NTN4: variants seen among roughly 807,000 people sequenced by gnomAD.
NTN4 encodes netrin-4.
In NTN4, 32 loss-of-function variants were observed where a neutral mutation model predicts 73.6. That is an observed-to-expected ratio of 0.44 (90% CI 0.33 to 0.58). The LOEUF is 0.58. NTN4 is among the 20% of genes least tolerant of loss of function. The probability of loss-of-function intolerance (pLI) is 0.04; values close to 1 mark genes in which losing one functional copy is unlikely to be tolerated. For synonymous variants in NTN4, 258 were observed against 287.5 expected (o/e 0.90, Z 1.04); for missense variants, 654 against 798.3 (o/e 0.82, Z 2.18).
chr12:95,660,572 G>T lies in NTN4; in HGVS notation c.1751-1350C>A, dbSNP rs1452003355. Among the ~76,000 whole-genome samples, 6 of 152,170 alleles carry T rather than the reference G, an allele frequency of 3.9e-5. No individual in the cohort carries two copies. In the East Asian group the frequency reaches 1.2e-3, roughly 29 times the overall value. On this transcript the variant is annotated intron_variant, in intron 9 of 9. Coordinates refer to ENST00000343702, the MANE Select transcript of NTN4 (RefSeq NM_021229.4). Reference sequence around the variant, plus strand: ...AATATATCCAAGAAATGAAAGGACAGTCTCATCACCTATAGATTAGTAAAA... The same window carrying T: ...AATATATCCAAGAAATGAAAGGACATTCTCATCACCTATAGATTAGTAAAA...
At chr12:95,769,565 A>G (rs1446957663) in intron 2 of NTN4, among the ~76,000 whole-genome samples, 1 of 149,812 alleles carries the variant, frequency 6.7e-6, no homozygotes, top group Non-Finnish European at 1.5e-5. Flanking sequence ...AAAAAAAAAA[A>G]AAAGGAAATG....
At chr12:95,700,516 T>G in intron 5 of NTN4, among the ~76,000 whole-genome samples, 1 of 152,122 alleles carries the variant, frequency 6.6e-6, no homozygotes, top group East Asian at 1.9e-4. Flanking sequence ...TGGGAACCAA[T>G]GACTTGAGGT....
chr12:95,680,696 T>TA (rs1344910929), intron 7 of NTN4, among the ~76,000 whole-genome samples: 2 of 152,180 alleles, frequency 1.3e-5, no homozygotes, highest in Non-Finnish European at 2.9e-5. Flanking sequence ...CATAATCAGG[T>TA]AAAAAATGTT....
chr12:95,736,074 G>A (rs760225877), intron 3 of NTN4, among the ~76,000 whole-genome samples: 4 of 151,840 alleles, frequency 2.6e-5, no homozygotes, highest in Non-Finnish European at 5.9e-5. Context: ...GAGCAGCAGG[G>A]AATACAGGCG....
chr12:95,755,639 C>A (rs1237593636), intron 2 of NTN4, among the ~76,000 whole-genome samples: 2 of 152,100 alleles, frequency 1.3e-5, no homozygotes, highest in African/African-American at 4.8e-5. Context: ...TGAGATAGGA[C>A]AATATAACCT....
At chr12:95,679,403 C>CA (rs2078298502) in intron 7 of NTN4, among the ~76,000 whole-genome samples, 1 of 152,166 alleles carries the variant, frequency 6.6e-6, no homozygotes, top group South Asian at 2.1e-4. Context: ...CTCAGCTGCT[C>CA]ATTCCCATGA....
At chr12:95,760,161 AC>A (rs2078976645) in intron 2 of NTN4, among the ~76,000 whole-genome samples, 1 of 152,076 alleles carries the variant, frequency 6.6e-6, no homozygotes, top group African/African-American at 2.4e-5. Context: ...ATTAGGGTGA[AC>A]CCAGTTTTGC....
intron 5 of NTN4, among the ~76,000 whole-genome samples, chr12:95,709,069 G>T (rs1235997726): frequency 6.6e-6 from 1 of 152,168 alleles, no homozygotes; most frequent in Admixed American, 6.5e-5. Flanking sequence ...AAGAGAAAAA[G>T]CTTTTAACAA....
At chr12:95,764,861 C>T (rs1007777301) in intron 2 of NTN4, among the ~76,000 whole-genome samples, 1 of 152,100 alleles carries the variant, frequency 6.6e-6, no homozygotes. Flanking sequence ...CTAACTTGAA[C>T]AGGACCTTAA....
chr12:95,785,578 CT>C (rs1313705845), intron 2 of NTN4, among the ~76,000 whole-genome samples: 1 of 152,206 alleles, frequency 6.6e-6, no homozygotes, highest in African/African-American at 2.4e-5. Context: ...GAAGAAGCGG[CT>C]GAATGACATG....
chr12:95,790,839 A>G (rs1592725580), upstream of NTN4: 1 of 126,552 alleles, frequency 7.9e-6, no homozygotes, highest in South Asian at 2.7e-4. The surrounding 1 kb of genome is among the most constrained non-coding windows in gnomAD (Gnocchi z 6.5). Flanking sequence ...CTCCCCTCGC[A>G]CCTCCACCCC....
chr12:95,789,661 G>A lies in NTN4; in HGVS notation c.55+594C>T, dbSNP rs2079193969. On this transcript the variant is annotated intron_variant, in intron 1 of 9. Coordinates refer to ENST00000343702, the MANE Select transcript of NTN4 (RefSeq NM_021229.4). This position sits in a 1 kb window ranked among gnomAD's most constrained non-coding sequence, Gnocchi z 4.0. ...CTCTGCCAGGGTACCAATTCCCCAG[G>A]GGCGGCCAGCCAGCTCAATGCAAGC... The A allele has an allele frequency of 6.6e-6, 1 of 152,646 alleles. No homozygotes were observed. Among genetic ancestry groups the A allele is most frequent in the Non-Finnish European group, 1.5e-5 (1 of 68,436 alleles). 9.5% of individuals were successfully genotyped at this position (152,646 alleles called of 1,614,324 possible).
intron 2 of NTN4, among the ~76,000 whole-genome samples, chr12:95,764,833 T>G (rs1186493456): frequency 1.3e-5 from 2 of 152,216 alleles, no homozygotes; most frequent in African/African-American, 2.4e-5. Context: ...TTGAGAATCT[T>G]TTACACGTTA....
intron 5 of NTN4, among the ~76,000 whole-genome samples, chr12:95,695,293 A>G (rs1216526500): frequency 6.6e-6 from 1 of 152,202 alleles, no homozygotes. Context: ...ATAAATGTAC[A>G]GTATTTAAGT....
At chr12:95,765,745 T>C (rs927236967) in intron 2 of NTN4, among the ~76,000 whole-genome samples, 1 of 152,238 alleles carries the variant, frequency 6.6e-6, no homozygotes, top group African/African-American at 2.4e-5. Context: ...TTATTAATAA[T>C]AGCACTTATA....
intron 5 of NTN4, among the ~76,000 whole-genome samples, chr12:95,696,893 G>A (rs2078446384): frequency 6.6e-6 from 1 of 152,038 alleles, no homozygotes; most frequent in South Asian, 2.1e-4. Context: ...GTTCTTTCCA[G>A]GCACGGTGGT....
intron 3 of NTN4, among the ~76,000 whole-genome samples, chr12:95,734,666 C>CA (rs2078762120): frequency 2.6e-5 from 4 of 152,204 alleles, no homozygotes; most frequent in Admixed American, 6.5e-5. Context: ...GACAATTAAT[C>CA]TATGCCTATG....
chr12:95,699,715 C>T (rs2078468974), intron 5 of NTN4, among the ~76,000 whole-genome samples: 1 of 151,922 alleles, frequency 6.6e-6, no homozygotes, highest in Non-Finnish European at 1.5e-5. Context: ...AAACCAGATG[C>T]TATCTTGGTA....
At chr12:95,670,912 C>T (rs1247119740) in intron 7 of NTN4, 1 of 150,532 alleles carries the variant, frequency 6.6e-6, no homozygotes, top group African/African-American at 2.5e-5. Flanking sequence ...TTGCCAGGCC[C>T]TATGGAAGAC....
Sources: allele counts gnomAD v4.1 joint callset (sites outside exome capture counted in the v4.1 genomes callset), GRCh38; gene constraint gnomAD v4.1.1; non-coding constraint Gnocchi (gnomAD v3.1); transcripts MANE v1.5; gene names NCBI Gene and HGNC (gene_info 2026-07-23, HGNC 2026-07-21).